PCDH15: variants seen among roughly 807,000 people sequenced by gnomAD.
The protein encoded by PCDH15 is protocadherin related 15, also known as protocadherin-15.
Under a neutral mutation model 178.5 loss-of-function variants are expected in PCDH15, and 129 were observed. That is an observed-to-expected ratio of 0.72 (90% CI 0.63 to 0.84). The LOEUF (loss-of-function observed/expected upper bound fraction) is 0.84. Ranked by LOEUF, PCDH15 falls within the 40% of genes least tolerant of loss-of-function variation. The pLI is 0.00. For missense variants in PCDH15, 2,230 were observed against 2,099.9 expected (o/e 1.06, Z -1.21); for synonymous variants, 800 against 732.0 (o/e 1.09, Z -1.50).
At chr10:54,781,891 C>T (rs11004573) in intron 1 of PCDH15, among the ~76,000 whole-genome samples, 32,026 of 151,942 alleles carry the variant, frequency 0.21, 3,854 homozygotes, top group East Asian at 0.45. Context: ...TGGTACTATG[C>T]GTTTACATTT....
intron 2 of PCDH15, among the ~76,000 whole-genome samples, chr10:55,130,118 G>A (rs1838002027): frequency 6.6e-6 from 1 of 152,196 alleles, no homozygotes; most frequent in Admixed American, 6.5e-5. Context: ...AAGCCAAGCA[G>A]TATAGTGGAA....
intron 2 of PCDH15, among the ~76,000 whole-genome samples, chr10:54,980,391 C>T (rs1281891686): frequency 6.6e-6 from 1 of 151,822 alleles, no homozygotes; most frequent in African/African-American, 2.4e-5. Context: ...CCAGGCAAAA[C>T]ATTTCTTATT....
intron 23 of PCDH15, among the ~76,000 whole-genome samples, chr10:53,941,981 T>C (rs890558793): frequency 1.3e-5 from 2 of 152,360 alleles, no homozygotes; most frequent in Middle Eastern, 3.4e-3. Flanking sequence ...TGTGCTTTCA[T>C]TGAAACCTTT....
chr10:54,646,878 A>G (rs373704625), intron 2 of PCDH15, among the ~76,000 whole-genome samples: 1 of 152,104 alleles, frequency 6.6e-6, no homozygotes, highest in Non-Finnish European at 1.5e-5. Flanking sequence ...TGGAACTCCT[A>G]TACATGATGG....
Position 54,378,873 on chromosome 10 carries a change from G to T in PCDH15, c.227C>A (p.Ser76Tyr). 1.9e-6 allele frequency: 3 copies of T among 1,613,780 alleles called. No homozygotes were observed. The highest frequency in any genetic ancestry group is 2.5e-6 in the Non-Finnish European group (3 of 1,179,798). The change falls in exon 4 of 38, where the codon TCT (serine) becomes TAT (tyrosine). Residue 76 changes from serine (S) to tyrosine (Y), a missense_variant. By Grantham distance (144) the Ser-to-Tyr change is moderately radical (BLOSUM62 -2). Transcript: ENST00000644397. ...AGGPDPTIEL[S>Y]LKDNVDYWVL... is the part of the protein sequence containing the mutation. The stretch of plus-strand genomic sequence containing the variant: ...CCAGTAATCCACATTATCCTTTAAA[G>T]AAAGTTCTATGGTGGGGTCTGGTCC...
chr10:53,848,787 T>A (rs1199599247), intron 28 of PCDH15, among the ~76,000 whole-genome samples: 1 of 152,076 alleles, frequency 6.6e-6, no homozygotes, highest in African/African-American at 2.4e-5. Context: ...TCATTGTGCA[T>A]TAATTAATTT....
intron 15 of PCDH15, among the ~76,000 whole-genome samples, chr10:54,132,319 A>G (rs2042504882): frequency 6.6e-6 from 1 of 152,198 alleles, no homozygotes; most frequent in African/African-American, 2.4e-5. Flanking sequence ...ACATATGCTC[A>G]TGAATCTCTA....
At chr10:54,232,441 A>T (rs533230749) in intron 9 of PCDH15, among the ~76,000 whole-genome samples, 15 of 152,334 alleles carry the variant, frequency 9.8e-5, no homozygotes, top group Non-Finnish European at 1.6e-4. Context: ...ATAGCAGTGC[A>T]AGAACAGACT....
At chr10:54,046,892 G>T (rs111395644) in intron 18 of PCDH15, among the ~76,000 whole-genome samples, 1 of 27,854 alleles carries the variant, frequency 3.6e-5, no homozygotes, top group African/African-American at 2.1e-4. Flanking sequence ...AACCAAGTTG[G>T]TTGCCAAGCT....
intron 3 of PCDH15, among the ~76,000 whole-genome samples, chr10:54,389,437 T>C (rs1950278780): frequency 6.6e-6 from 1 of 152,064 alleles, no homozygotes; most frequent in Non-Finnish European, 1.5e-5. Context: ...AGATATAGAG[T>C]AGGAGGGTAG....
At position 54,954,415 on chromosome 10, in the gene PCDH15, A is replaced by C. The variant is rs75177463; in HGVS notation, c.-79-56915T>G. Among the ~76,000 whole-genome samples, 1,145 of 151,324 alleles carry C rather than the reference A, an allele frequency of 7.6e-3. 17 individuals carry two copies. Among genetic ancestry groups the C allele is most frequent in the African/African-American group, 0.026 (1,088 of 41,470 alleles). On this transcript the variant is annotated intron_variant, in intron 2 of 5. Coordinates refer to the PCDH15 transcript ENST00000458638. Reference sequence around the variant, plus strand: ...TCATCTCTATTGAACATATCTTAGCATTATCCTACATGTAATTTTCTCGTA... The same window carrying C: ...TCATCTCTATTGAACATATCTTAGCCTTATCCTACATGTAATTTTCTCGTA...
chr10:54,205,517 A>T (rs867432488), intron 10 of PCDH15, among the ~76,000 whole-genome samples: 1 of 32,302 alleles, frequency 3.1e-5, no homozygotes, highest in African/African-American at 1.2e-4. Flanking sequence ...GTGTGTGTGT[A>T]AAATGTCTTA....
At chr10:55,476,234 T>A (rs1025744312) in intron 2 of PCDH15, among the ~76,000 whole-genome samples, 4 of 151,992 alleles carry the variant, frequency 2.6e-5, no homozygotes, top group Admixed American at 6.6e-5. Flanking sequence ...CCGGGCACTT[T>A]CCCTACCCAC....
At chr10:54,537,234 T>C (rs1377681435) in intron 2 of PCDH15, among the ~76,000 whole-genome samples, 1 of 151,974 alleles carries the variant, frequency 6.6e-6, no homozygotes, top group Non-Finnish European at 1.5e-5. Flanking sequence ...CTCCTGACCT[T>C]GTGATCCGCC....
At chr10:55,362,400 G>T (rs1024133192) in intron 2 of PCDH15, among the ~76,000 whole-genome samples, 5 of 152,114 alleles carry the variant, frequency 3.3e-5, no homozygotes, top group Non-Finnish European at 5.9e-5. Flanking sequence ...CTTTCCTCAA[G>T]ATGTGTAGTG....
intron 16 of PCDH15, among the ~76,000 whole-genome samples, chr10:54,084,418 A>G (rs1017041955): frequency 6.6e-6 from 1 of 151,812 alleles, no homozygotes; most frequent in Admixed American, 6.6e-5. Context: ...GGTTGCAGTA[A>G]GCCGAGACCA....
intron 4 of PCDH15, among the ~76,000 whole-genome samples, chr10:54,372,383 T>C (rs1190102294): frequency 6.6e-6 from 1 of 151,980 alleles, no homozygotes; most frequent in East Asian, 1.9e-4. Context: ...GTTATCACTC[T>C]CAACTTTAGC....
chr10:53,998,911 G>A (rs1315126996), intron 20 of PCDH15, among the ~76,000 whole-genome samples: 1 of 151,934 alleles, frequency 6.6e-6, no homozygotes, highest in African/African-American at 2.4e-5. Flanking sequence ...AATAAGCCTG[G>A]CATGGTGGCG....
At chr10:54,001,810 G>C (rs947752375) in intron 20 of PCDH15, among the ~76,000 whole-genome samples, 1 of 151,766 alleles carries the variant, frequency 6.6e-6, no homozygotes, top group Non-Finnish European at 1.5e-5. Flanking sequence ...AAGACAAAAT[G>C]ATCTGTTGCC....
Sources: gnomAD v4.1 joint callset for allele counts (sites outside exome capture counted in the v4.1 genomes callset) on GRCh38, gnomAD v4.1.1 for gene constraint, MANE v1.5 for transcripts, NCBI Gene and HGNC (gene_info 2026-07-23, HGNC 2026-07-21) for gene names.